The following DOCK3 variants were observed in gnomAD, a reference collection of about 807,000 sequenced individuals.
DOCK3 encodes the protein dedicator of cytokinesis 3.
Under a neutral mutation model 265.6 loss-of-function variants are expected in DOCK3, and 60 were observed. The ratio of observed to expected loss-of-function variants is 0.23; its 90% CI spans 0.18 to 0.28. DOCK3 has a LOEUF of 0.28. Among genes scored for constraint, DOCK3 ranks in the 10% least tolerant of loss-of-function variants. The probability of loss-of-function intolerance (pLI) is 1.00; values close to 1 mark genes in which losing one functional copy is unlikely to be tolerated. For missense variants in DOCK3, 1,981 were observed against 2,594.3 expected, an observed-to-expected ratio of 0.76 and a Z score of 5.14; for synonymous variants, 881 against 938.0, an observed-to-expected ratio of 0.94 and a Z score of 1.11.
At chr3:50,737,667 TC>T (rs1282015002) in intron 1 of DOCK3, among the ~76,000 whole-genome samples, 2 of 152,252 alleles carry the variant, frequency 1.3e-5, no homozygotes, top group African/African-American at 4.8e-5. Context: ...ACCTTTGAGC[TC>T]ACTGATTCTT....
At chr3:51,117,478 T>TA (rs2083792333) in intron 9 of DOCK3, among the ~76,000 whole-genome samples, 2 of 152,216 alleles carry the variant, frequency 1.3e-5, no homozygotes, top group Non-Finnish European at 2.9e-5. Context: ...GCTGGCCTCA[T>TA]AAAATGAGTT....
intron 5 of DOCK3, among the ~76,000 whole-genome samples, chr3:51,011,240 G>T (rs1021704524): frequency 1.6e-4 from 24 of 152,074 alleles, no homozygotes; most frequent in Admixed American, 1.6e-3. Context: ...CGTTCTCCCC[G>T]TCACTTTCAG....
chr3:50,905,622 G>A (rs2049448255), intron 4 of DOCK3, among the ~76,000 whole-genome samples: 1 of 152,114 alleles, frequency 6.6e-6, no homozygotes, highest in Non-Finnish European at 1.5e-5. Flanking sequence ...TGTATCCTGA[G>A]ACTTTGCTGA....
At chr3:50,998,788 T>C (rs1461458755) in intron 5 of DOCK3, among the ~76,000 whole-genome samples, 9 of 152,190 alleles carry the variant, frequency 5.9e-5, no homozygotes, top group Admixed American at 5.9e-4. Flanking sequence ...AACAAAAGTT[T>C]AAAAATATTT....
intron 2 of DOCK3, among the ~76,000 whole-genome samples, chr3:50,788,568 A>AC (rs1559639379): frequency 1.9e-4 from 29 of 152,220 alleles, no homozygotes; most frequent in Admixed American, 5.2e-4. Context: ...GCCTAGATCA[A>AC]TGCCTTGGCA....
chr3:50,762,500 T>C (rs1175762571), intron 1 of DOCK3, among the ~76,000 whole-genome samples: 4 of 152,146 alleles, frequency 2.6e-5, no homozygotes, highest in Admixed American at 6.6e-5. Flanking sequence ...AGGAAATATA[T>C]AAAGAGTTGA....
intron 7 of DOCK3, among the ~76,000 whole-genome samples, chr3:51,076,363 G>A (rs1332237572): frequency 6.6e-6 from 1 of 152,176 alleles, no homozygotes; most frequent in Admixed American, 6.5e-5. Flanking sequence ...CTACTTGGAA[G>A]GCTGAAGTGA....
chr3:51,086,392 TTTTG>T (rs748953840), intron 7 of DOCK3, among the ~76,000 whole-genome samples: 1 of 152,254 alleles, frequency 6.6e-6, no homozygotes, highest in African/African-American at 2.4e-5. Context: ...GCTGCACAGA[TTTTG>T]TTTATGGCCA....
At chr3:50,710,476 G>A (rs771450139) in intron 1 of DOCK3, among the ~76,000 whole-genome samples, 4 of 152,168 alleles carry the variant, frequency 2.6e-5, no homozygotes, top group Non-Finnish European at 5.9e-5. Flanking sequence ...CCTTACTCCT[G>A]CAAGAATGGC....
At chr3:51,369,932 C>T (rs1182420254) in intron 49 of DOCK3, among the ~76,000 whole-genome samples, 2 of 152,190 alleles carry the variant, frequency 1.3e-5, no homozygotes, top group South Asian at 4.1e-4. Context: ...CACTCTCATG[C>T]CCATTCCACT....
chr3:51,181,397 T>C (rs918813932), intron 12 of DOCK3, among the ~76,000 whole-genome samples: 7 of 151,058 alleles, frequency 4.6e-5, no homozygotes, highest in African/African-American at 9.7e-5. Flanking sequence ...GTTTGGTTTT[T>C]TGTTCTTGCG....
At chr3:51,289,963 T>A (rs941451277) in intron 27 of DOCK3, among the ~76,000 whole-genome samples, 2 of 152,068 alleles carry the variant, frequency 1.3e-5, no homozygotes, top group African/African-American at 4.8e-5. Flanking sequence ...ATCAGAGAAA[T>A]GCAAATCAAA....
At chr3:51,159,214 T>G in intron 10 of DOCK3, 30 bp from the exon 11 acceptor site, 1 of 1,605,610 alleles carries the variant, frequency 6.2e-7, no homozygotes, top group South Asian at 1.1e-5. Context: ...TGTGTATTCC[T>G]TGCCTGAATT....
At chr3:51,254,473 A>G (rs556676304) in intron 22 of DOCK3, among the ~76,000 whole-genome samples, 1 of 152,290 alleles carries the variant, frequency 6.6e-6, no homozygotes, top group South Asian at 2.1e-4. Flanking sequence ...GGGGTGTTAA[A>G]GTCTCCCATT....
At chr3:51,350,172 T>C (rs1329245640) in intron 39 of DOCK3, 116 bp from the exon 40 acceptor site, 2 of 851,754 alleles carry the variant, frequency 2.3e-6, no homozygotes, top group South Asian at 1.8e-5. Flanking sequence ...TTACTTCTTA[T>C]CTAGATTGAG....
chr3:51,296,913 G>A (rs1339049454), intron 27 of DOCK3, among the ~76,000 whole-genome samples: 1 of 151,912 alleles, frequency 6.6e-6, no homozygotes, highest in Non-Finnish European at 1.5e-5. Flanking sequence ...GAGGTCAGGA[G>A]TTCGAGACCA....
intron 5 of DOCK3, among the ~76,000 whole-genome samples, chr3:50,970,895 A>T (rs1225151355): frequency 1.7e-3 from 14 of 8,436 alleles, no homozygotes; most frequent in Admixed American, 0.014. Flanking sequence ...TAATTTTTAT[A>T]TATATATATA....
chr3:51,362,800 T>G (rs970099879), intron 49 of DOCK3, 126 bp downstream of exon 49: 1 of 1,370,048 alleles, frequency 7.3e-7, no homozygotes, highest in Admixed American at 2.3e-5. Context: ...TCATTTGTGC[T>G]TTTACCACTA....
intron 27 of DOCK3, among the ~76,000 whole-genome samples, chr3:51,298,614 C>T (rs1027203562): frequency 1.3e-5 from 2 of 152,146 alleles, no homozygotes; most frequent in East Asian, 1.9e-4. Flanking sequence ...TCCCTGTGTC[C>T]ATGTGATCTC....
Sources: allele counts gnomAD v4.1 joint callset (sites outside exome capture counted in the v4.1 genomes callset), GRCh38; gene constraint gnomAD v4.1.1; transcripts MANE v1.5; gene names NCBI Gene and HGNC (gene_info 2026-07-23, HGNC 2026-07-21).